AMBRA1: variants seen among roughly 807,000 people sequenced by gnomAD.
The protein encoded by AMBRA1 is activating molecule in BECN1-regulated autophagy protein 1.
A neutral mutation model predicts 125.4 loss-of-function variants in AMBRA1; 47 were observed. The ratio of observed to expected loss-of-function variants is 0.37; its 90% CI spans 0.30 to 0.48. The LOEUF (loss-of-function observed/expected upper bound fraction) is 0.48, where lower values mean the gene tolerates loss of function less well. Among genes scored for constraint, AMBRA1 ranks in the 20% least tolerant of loss-of-function variants. The pLI is 0.99. For missense variants in AMBRA1, 1,331 were observed against 1,693.4 expected (o/e 0.79, Z 3.76); for synonymous variants, 626 against 655.5 (o/e 0.95, Z 0.69).
chr11:46,493,565 T>G, intron 11 of AMBRA1, 43 bp downstream of exon 11: 1 of 1,509,134 alleles, frequency 6.6e-7, no homozygotes, highest in African/African-American at 1.4e-5. Context: ...ATCTGGCTCC[T>G]TGGCCCTTCA....
At chr11:46,584,142 G>A (rs906587891) in intron 1 of AMBRA1, among the ~76,000 whole-genome samples, 3 of 138,610 alleles carry the variant, frequency 2.2e-5, no homozygotes, top group African/African-American at 8.3e-5. Context: ...AACAATGATA[G>A]ACTGGATTAA....
At chr11:46,531,580 G>A (rs1952218851) in intron 7 of AMBRA1, among the ~76,000 whole-genome samples, 1 of 151,988 alleles carries the variant, frequency 6.6e-6, no homozygotes, top group South Asian at 2.1e-4. Context: ...CCTGGTGGTG[G>A]GCACCTGTAA....
At chr11:46,498,759 A>G (rs1199357613) in intron 9 of AMBRA1, among the ~76,000 whole-genome samples, 1 of 152,220 alleles carries the variant, frequency 6.6e-6, no homozygotes, top group African/African-American at 2.4e-5. Flanking sequence ...TTATAAATGA[A>G]GCTCTTGCAG....
intron 17 of AMBRA1, among the ~76,000 whole-genome samples, chr11:46,399,216 G>A (rs1945597268): frequency 6.6e-6 from 1 of 151,920 alleles, no homozygotes; most frequent in Non-Finnish European, 1.5e-5. Context: ...TGGGATTACA[G>A]GTGCCCGCCA....
intron 11 of AMBRA1, among the ~76,000 whole-genome samples, chr11:46,483,238 T>C (rs1247742965): frequency 6.6e-6 from 1 of 152,064 alleles, no homozygotes; most frequent in Non-Finnish European, 1.5e-5. Flanking sequence ...AAGATGACTC[T>C]CTGGCTCTGG....
chr11:46,439,266 C>A (rs1947882607), intron 12 of AMBRA1, among the ~76,000 whole-genome samples: 1 of 152,080 alleles, frequency 6.6e-6, no homozygotes, highest in Admixed American at 6.5e-5. Context: ...AGAGCGAGAC[C>A]CTGTGTCTAA....
At chr11:46,573,340 G>A (rs980025472) in intron 1 of AMBRA1, among the ~76,000 whole-genome samples, 2 of 151,638 alleles carry the variant, frequency 1.3e-5, no homozygotes, top group Non-Finnish European at 2.9e-5. Flanking sequence ...GAGGGCAGAG[G>A]TTGCAGTGAG....
chr11:46,507,478 C>CA (rs778680920), intron 9 of AMBRA1, among the ~76,000 whole-genome samples: 33,535 of 90,668 alleles, frequency 0.37, 4,619 homozygotes, highest in Middle Eastern at 0.44. Context: ...GACTCCGTCT[C>CA]AAAAAAAAAA....
At chr11:46,470,640 C>T (rs962307859) in intron 11 of AMBRA1, among the ~76,000 whole-genome samples, 8 of 149,962 alleles carry the variant, frequency 5.3e-5, no homozygotes, top group Admixed American at 1.3e-4. Flanking sequence ...CATGGGCCTG[C>T]GGTCCTAGCT....
At position 46,563,086 on chromosome 11, in the gene AMBRA1, G is replaced by A. The variant is rs1039720676; in HGVS notation, c.-120-14586C>T. ...GTGCTGAAACTACCGTGCCTGGCCTGCTTCCTATTCTTAAATAATTATACA... is the reference window on the plus strand; with the variant it reads ...GTGCTGAAACTACCGTGCCTGGCCTACTTCCTATTCTTAAATAATTATACA... On this transcript the variant is annotated intron_variant, in intron 1 of 17. Coordinates refer to ENST00000683756, the MANE Select transcript of AMBRA1 (RefSeq NM_001387011.1). Among the ~76,000 whole-genome samples, 19 of 151,994 alleles carry A rather than the reference G, an allele frequency of 1.3e-4. No individual in the cohort carries two copies. The South Asian group carries it at 1.7e-3, about 13-fold the overall frequency.
At chr11:46,588,340 T>A (rs1255849288) in intron 1 of AMBRA1, among the ~76,000 whole-genome samples, 3 of 152,038 alleles carry the variant, frequency 2.0e-5, no homozygotes, top group Non-Finnish European at 2.9e-5. Context: ...TCAAAAAAAA[T>A]AAACAGAAAG....
intron 11 of AMBRA1, among the ~76,000 whole-genome samples, chr11:46,450,520 G>T (rs933773466): frequency 1.3e-5 from 2 of 151,770 alleles, no homozygotes; most frequent in Non-Finnish European, 2.9e-5. Context: ...GCTCACGGAA[G>T]CCTCAATTTT....
At chr11:46,430,204 AAAGATGGGAGGT>A (rs1947384177) in intron 14 of AMBRA1, among the ~76,000 whole-genome samples, 1 of 152,222 alleles carries the variant, frequency 6.6e-6, no homozygotes, top group Admixed American at 6.5e-5. Flanking sequence ...ACAGCCTAGA[AAAGATGGGAGGT>A]GAGGCGCAGA....
At chr11:46,582,110 CAAAAAAAA>C (rs753222142) in intron 1 of AMBRA1, among the ~76,000 whole-genome samples, 1 of 79,736 alleles carries the variant, frequency 1.3e-5, no homozygotes, top group Non-Finnish European at 2.7e-5. Flanking sequence ...GACCCTGTCT[CAAAAAAAA>C]AAAAAAAAAA....
intron 5 of AMBRA1, among the ~76,000 whole-genome samples, chr11:46,544,969 A>G (rs1280430103): frequency 6.6e-6 from 1 of 151,780 alleles, no homozygotes; most frequent in African/African-American, 2.4e-5. Context: ...CTACGAAAAA[A>G]TTTAAAAATT....
Position 46,525,161 on chromosome 11 carries a change from C to T in AMBRA1, c.2073-12348G>A, listed in dbSNP as rs1951914205. On this transcript the variant is annotated intron_variant, in intron 7 of 17. Coordinates refer to ENST00000683756, the MANE Select transcript of AMBRA1 (RefSeq NM_001387011.1). ...ACAAGAAATTTAAAAATTATCTGGG[C>T]ATGGTGGCACATGCCTATAGTCTCA... Among the ~76,000 whole-genome samples, 4 of 152,078 alleles carry T rather than the reference C, an allele frequency of 2.6e-5. 1 individual carries two copies. In the South Asian group the frequency reaches 8.3e-4, roughly 32 times the overall value.
chr11:46,567,637 A>G (rs1591144465), intron 1 of AMBRA1, among the ~76,000 whole-genome samples: 1 of 152,120 alleles, frequency 6.6e-6, no homozygotes, highest in Admixed American at 6.5e-5. Context: ...CTGGGATTAC[A>G]GGCGTGAGCC....
At chr11:46,465,594 G>A (rs530379252) in intron 11 of AMBRA1, among the ~76,000 whole-genome samples, 1 of 152,252 alleles carries the variant, frequency 6.6e-6, no homozygotes, top group South Asian at 2.1e-4. Flanking sequence ...AGCCTCTCTA[G>A]GGAACATGCA....
Position 46,502,392 on chromosome 11 carries a change from T to G in AMBRA1, c.2339+5799A>C, listed in dbSNP as rs572270995. 3.3e-5 allele frequency among the ~76,000 whole-genome samples: 5 copies of G among 152,338 alleles called. No individual in the cohort carries two copies. In the East Asian group the frequency reaches 9.6e-4, roughly 29 times the overall value. On this transcript the variant is annotated intron_variant, in intron 9 of 17. Transcript: ENST00000683756. ...AGCATTTCTCTTGCACTCCTAATAT[T>G]AGAGTCTGTGGCTCATAAGACAAAG...
Sources: allele counts gnomAD v4.1 joint callset (sites outside exome capture counted in the v4.1 genomes callset), GRCh38; gene constraint gnomAD v4.1.1; transcripts MANE v1.5; gene names NCBI Gene and HGNC (gene_info 2026-07-23, HGNC 2026-07-21).